The following TMEM135 variants were observed in gnomAD, a reference collection of about 807,000 sequenced individuals.
TMEM135 encodes the protein peroxisomal membrane protein 52.
A neutral mutation model predicts 60.3 loss-of-function variants in TMEM135; 30 were observed. That is an observed-to-expected ratio of 0.50 (90% CI 0.37 to 0.68). The LOEUF is 0.68. TMEM135 is among the 30% of genes least tolerant of loss of function. The probability of loss-of-function intolerance (pLI) is 0.00; values close to 1 mark genes in which losing one functional copy is unlikely to be tolerated. For synonymous variants in TMEM135, 190 were observed against 186.7 expected (o/e 1.02, Z -0.14); for missense variants, 468 against 548.8 (o/e 0.85, Z 1.47).
chr11:87,100,992 T>C (rs1857445412), intron 4 of TMEM135, among the ~76,000 whole-genome samples: 1 of 152,234 alleles, frequency 6.6e-6, no homozygotes, highest in Admixed American at 6.5e-5. Context: ...AAGGCAATTG[T>C]ATTAATACCC....
chr11:87,091,448 A>C, intron 4 of TMEM135, 53 bp downstream of exon 4: 2 of 1,574,428 alleles, frequency 1.3e-6, no homozygotes, highest in Non-Finnish European at 1.7e-6. Context: ...TATCTTTTTA[A>C]AATCAAGTTT....
At chr11:87,211,644 C>T (rs1478960717) in intron 5 of TMEM135, among the ~76,000 whole-genome samples, 1 of 152,132 alleles carries the variant, frequency 6.6e-6, no homozygotes, top group East Asian at 1.9e-4. Flanking sequence ...TGTTTTTCGA[C>T]TGCTCTTTTC....
intron 4 of TMEM135, among the ~76,000 whole-genome samples, chr11:87,145,481 T>G: frequency 6.6e-6 from 1 of 152,202 alleles, no homozygotes; most frequent in East Asian, 1.9e-4. Context: ...GCAGTTCTAT[T>G]TTTAGTGTTT....
At chr11:87,149,609 C>T (rs564876329) in intron 4 of TMEM135, among the ~76,000 whole-genome samples, 1 of 152,284 alleles carries the variant, frequency 6.6e-6, no homozygotes, top group South Asian at 2.1e-4. Flanking sequence ...GTAATTTCTT[C>T]CACCTTACTG....
At chr11:87,101,646 A>G (rs1857458316) in intron 4 of TMEM135, among the ~76,000 whole-genome samples, 1 of 152,174 alleles carries the variant, frequency 6.6e-6, no homozygotes, top group Non-Finnish European at 1.5e-5. Context: ...TTTTATTAAA[A>G]CATCTGTATT....
chr11:87,276,293 T>C (rs1280129239), intron 6 of TMEM135, among the ~76,000 whole-genome samples: 1 of 152,170 alleles, frequency 6.6e-6, no homozygotes, highest in African/African-American at 2.4e-5. Context: ...AACAGTCTTA[T>C]ATAGTAAGTA....
chr11:87,278,018 GATTTCCT>G (rs1241312777), intron 6 of TMEM135, among the ~76,000 whole-genome samples: 1 of 152,118 alleles, frequency 6.6e-6, no homozygotes, highest in Admixed American at 6.5e-5. Context: ...AATCCTCTGT[GATTTCCT>G]ATTGCCTTCA....
intron 4 of TMEM135, among the ~76,000 whole-genome samples, chr11:87,111,727 C>T (rs113622673): frequency 0.024 from 3,574 of 151,396 alleles, 76 homozygotes; most frequent in African/African-American, 0.055. Flanking sequence ...GTGAATTATA[C>T]CCACATAGAA....
intron 14 of TMEM135, 147 bp from the exon 15 acceptor site, chr11:87,321,054 G>A (rs1942811011): frequency 1.5e-6 from 1 of 647,332 alleles, no homozygotes; most frequent in Non-Finnish European, 2.6e-6. Flanking sequence ...GAGCCTTCAT[G>A]TGACTTGAAT....
chr11:87,188,088 C>T (rs751530902), intron 5 of TMEM135, among the ~76,000 whole-genome samples: 4 of 147,958 alleles, frequency 2.7e-5, no homozygotes, highest in South Asian at 2.1e-4. Context: ...AGCTCCCTTA[C>T]AGAACCCCCT....
At chr11:87,138,639 A>G (rs182917389) in intron 4 of TMEM135, among the ~76,000 whole-genome samples, 2 of 152,302 alleles carry the variant, frequency 1.3e-5, no homozygotes, top group Admixed American at 1.3e-4. Context: ...AGTGAAATAG[A>G]ATCTATATTC....
intron 5 of TMEM135, among the ~76,000 whole-genome samples, chr11:87,184,629 C>T (rs1222546067): frequency 3.9e-5 from 6 of 151,952 alleles, no homozygotes; most frequent in Non-Finnish European, 8.8e-5. Context: ...GTAAGATGCC[C>T]CCCTCTTTTT....
intron 1 of TMEM135, among the ~76,000 whole-genome samples, chr11:87,041,779 G>A (rs898598260): frequency 1.3e-5 from 2 of 152,200 alleles, no homozygotes; most frequent in African/African-American, 4.8e-5. Flanking sequence ...TGAATAGTGC[G>A]GGAGTGAAGA....
In TMEM135 at chr11:87,323,337, A is replaced by G; in HGVS notation, c.*2004A>G. The stretch of plus-strand genomic sequence containing the variant: ...TAGGTTGAGTGAATAACCAATTTGC[A>G]GTGGTGGATTGAGAAGTCCAGTTTG... On this transcript the variant is annotated 3_prime_UTR_variant, in exon 15 of 15. Transcript: ENST00000305494. 1 of 454,034 alleles carries G rather than the reference A, an allele frequency of 2.2e-6. No homozygotes were observed. The highest frequency in any genetic ancestry group is 4.4e-6 in the Non-Finnish European group (1 of 226,742). The allele number at this position is 454,034 out of a possible 1,614,324, so 28.1% of individuals were successfully genotyped here. A position where few individuals can be genotyped will look rare whatever the true frequency, so the allele number is the denominator to read the frequency against.
Position 87,326,237 on chromosome 11 carries a change from G to T in TMEM135, c.*4904G>T. 1 of 453,982 alleles carries T rather than the reference G, an allele frequency of 2.2e-6. No homozygotes were observed. 28.1% of individuals were successfully genotyped at this position (453,982 alleles called of 1,614,324 possible). On this transcript the variant is annotated 3_prime_UTR_variant, in exon 15 of 15. Transcript: ENST00000305494. Reference sequence around the variant, plus strand: ...CATAGAGGCCATAGGCATACAACATGCTTTATCTGCCTTGCTTAGACTCAG... The same window carrying T: ...CATAGAGGCCATAGGCATACAACATTCTTTATCTGCCTTGCTTAGACTCAG...
intron 1 of TMEM135, among the ~76,000 whole-genome samples, chr11:87,059,240 G>GA (rs947958059): frequency 8.7e-5 from 13 of 149,352 alleles, no homozygotes; most frequent in Non-Finnish European, 1.5e-4. Flanking sequence ...AAAATTTTTA[G>GA]AAAAAAAATA....
intron 4 of TMEM135, among the ~76,000 whole-genome samples, chr11:87,131,555 C>T (rs1328824276): frequency 6.6e-6 from 1 of 152,136 alleles, no homozygotes; most frequent in Non-Finnish European, 1.5e-5. Context: ...CTAAGACTAC[C>T]ATGAATATAA....
chr11:87,299,440 C>A (rs879908169), intron 7 of TMEM135, among the ~76,000 whole-genome samples: 1 of 152,160 alleles, frequency 6.6e-6, no homozygotes, highest in Non-Finnish European at 1.5e-5. Context: ...CCCCATGATC[C>A]AATCACCCCC....
chr11:87,284,705 T>G lies in TMEM135; in HGVS notation c.510-11077T>G, dbSNP rs1942132093. Among the ~76,000 whole-genome samples the G allele has an allele frequency of 2.6e-5, 4 of 152,242 alleles. No individual in the cohort carries two copies. In the South Asian group the frequency reaches 8.3e-4, roughly 31 times the overall value. On this transcript the variant is annotated intron_variant, in intron 6 of 14. Coordinates refer to ENST00000305494, the MANE Select transcript of TMEM135 (RefSeq NM_022918.4). Reference sequence around the variant, plus strand: ...TTAATACACTGGGGAATTTCACTATTTAAAGGAATTCTATTGGAAGTTATT... The same window carrying G: ...TTAATACACTGGGGAATTTCACTATGTAAAGGAATTCTATTGGAAGTTATT...
Sources: gnomAD v4.1 joint callset for allele counts (sites outside exome capture counted in the v4.1 genomes callset) on GRCh38, gnomAD v4.1.1 for gene constraint, MANE v1.5 for transcripts, NCBI Gene and HGNC (gene_info 2026-07-23, HGNC 2026-07-21) for gene names.